The following PCDHA7 variants were observed in gnomAD, a reference collection of about 807,000 sequenced individuals.
PCDHA7 encodes the protein protocadherin alpha-7.
In PCDHA7, 37 loss-of-function variants were observed where a neutral mutation model predicts 57.2. The ratio of observed to expected loss-of-function variants is 0.65; its 90% CI spans 0.50 to 0.85. The LOEUF (loss-of-function observed/expected upper bound fraction) is 0.85, where lower values mean the gene tolerates loss of function less well. PCDHA7 is among the 40% of genes least tolerant of loss of function. PCDHA7 has a pLI of 0.00. For synonymous variants in PCDHA7, 553 were observed against 558.8 expected (o/e 0.99, Z 0.15); for missense variants, 1,188 against 1,241.8 (o/e 0.96, Z 0.65).
At chr5:140,853,708 A>G (rs535294888) in intron 1 of PCDHA7, 3 of 986,248 alleles carry the variant, frequency 3.0e-6, no homozygotes, top group South Asian at 9.5e-5. Flanking sequence ...ACGCATTAGC[A>G]TTAGCAGCAC....
chr5:140,942,669 A>G (rs2093352340), intron 1 of PCDHA7, among the ~76,000 whole-genome samples: 1 of 152,212 alleles, frequency 6.6e-6, no homozygotes, highest in South Asian at 2.1e-4. Flanking sequence ...AATAAGCACA[A>G]AAGTTTTAGG....
chr5:140,836,968 T>A, intron 1 of PCDHA7: 1 of 385,792 alleles, frequency 2.6e-6, no homozygotes, highest in South Asian at 6.2e-5. Flanking sequence ...TTGGCTACTC[T>A]CCATTTTTGG....
intron 1 of PCDHA7, among the ~76,000 whole-genome samples, chr5:140,942,118 A>C (rs554488765): frequency 1.3e-5 from 2 of 152,360 alleles, no homozygotes; most frequent in East Asian, 3.9e-4. Flanking sequence ...AAACTTTATT[A>C]AAGGTGATAT....
intron 1 of PCDHA7, chr5:140,927,278 T>C: frequency 6.2e-7 from 1 of 1,614,094 alleles, no homozygotes; most frequent in Non-Finnish European, 8.5e-7. Flanking sequence ...GCCGGCGACG[T>C]GCAGCTGCAC....
intron 1 of PCDHA7, among the ~76,000 whole-genome samples, chr5:140,886,068 GC>G (rs1462692271): frequency 5.3e-5 from 8 of 152,098 alleles, no homozygotes; most frequent in African/African-American, 9.7e-5. Context: ...AAAGCGTAGG[GC>G]CATACCACAA....
At chr5:140,915,368 T>G (rs1281630689) in intron 1 of PCDHA7, among the ~76,000 whole-genome samples, 1 of 152,216 alleles carries the variant, frequency 6.6e-6, no homozygotes, top group Non-Finnish European at 1.5e-5. Flanking sequence ...TACCAGTAAG[T>G]GTCTCGGCAT....
chr5:140,850,357 C>G (rs146638035), intron 1 of PCDHA7: 1 of 1,597,856 alleles, frequency 6.3e-7, no homozygotes, highest in African/African-American at 1.3e-5. Flanking sequence ...GCGAGCATCC[C>G]GTTCCGCGTG....
rs2150408598 is a variant in PCDHA7, at chr5:140,848,320, T to A, written c.2355+11582T>A. The A allele has an allele frequency of 6.9e-5, 53 of 763,546 alleles. 1 individual carries two copies. The highest frequency in any genetic ancestry group is 1.0e-4 in the Non-Finnish European group (48 of 466,870). 47.3% of individuals were successfully genotyped at this position (763,546 alleles called of 1,614,324 possible). A position where few individuals can be genotyped will look rare whatever the true frequency, so the allele number is the denominator to read the frequency against. ...CGTGATGTCACTCTTTGCCGCGATG[T>A]TCTCTCTGAATCCAGACAAATACAG... is the stretch of plus-strand genomic sequence containing the variant. On this transcript the variant is annotated intron_variant, in intron 1 of 3. Transcript: ENST00000525929.
chr5:140,994,105 A>G (rs1264024543), intron 3 of PCDHA7, among the ~76,000 whole-genome samples: 2 of 152,226 alleles, frequency 1.3e-5, no homozygotes, highest in African/African-American at 2.4e-5. Context: ...TGGAAATATT[A>G]CATTGTCATG....
intron 1 of PCDHA7, among the ~76,000 whole-genome samples, chr5:140,837,515 A>AT (rs1775086466): frequency 2.1e-5 from 2 of 96,498 alleles, no homozygotes; most frequent in Admixed American, 9.8e-5. Flanking sequence ...GAAGCAGTTT[A>AT]CTTTTTTTGT....
At chr5:140,946,573 A>C (rs1272286008) in intron 1 of PCDHA7, among the ~76,000 whole-genome samples, 1 of 147,140 alleles carries the variant, frequency 6.8e-6, no homozygotes, top group African/African-American at 2.6e-5. Flanking sequence ...GAATCAACTT[A>C]GGTGTTCATA....
intron 3 of PCDHA7, among the ~76,000 whole-genome samples, chr5:140,995,650 A>T (rs1166713964): frequency 6.6e-6 from 1 of 152,182 alleles, no homozygotes; most frequent in Non-Finnish European, 1.5e-5. Context: ...GAAAAGGAGA[A>T]TCGAAAAGGG....
Position 140,954,691 on chromosome 5 carries a change from A to G in PCDHA7, c.2356-24258A>G, listed in dbSNP as rs561318179. Among the ~76,000 whole-genome samples the G allele has an allele frequency of 9.2e-5, 14 of 152,162 alleles. No homozygotes were observed. The East Asian group carries it at 2.5e-3, about 27-fold the overall frequency. ...TATTAGACTTTTGTCAGATGGATAG[A>G]CTACAAAATTTTTCTCCCATTCTGT... On this transcript the variant is annotated intron_variant, in intron 1 of 3. Coordinates refer to ENST00000525929, the MANE Select transcript of PCDHA7 (RefSeq NM_018910.3).
At chr5:140,880,554 A>T (rs546471112) in intron 1 of PCDHA7, among the ~76,000 whole-genome samples, 1 of 152,360 alleles carries the variant, frequency 6.6e-6, no homozygotes, top group South Asian at 2.1e-4. Flanking sequence ...ACTGATGGAA[A>T]TGAGGTTGAG....
chr5:140,967,817 G>A, intron 1 of PCDHA7: 1 of 1,614,182 alleles, frequency 6.2e-7, no homozygotes. Context: ...TCACTGCAAG[G>A]TGCTGGTGGA....
chr5:140,877,674 G>T (rs2057278019), intron 1 of PCDHA7: 2 of 1,613,630 alleles, frequency 1.2e-6, no homozygotes, highest in East Asian at 4.5e-5. Flanking sequence ...GGTGCGCGCC[G>T]GGCAAGCCCA....
At chr5:141,006,105 GT>G (rs79904017) in intron 3 of PCDHA7, among the ~76,000 whole-genome samples, 172 of 143,342 alleles carry the variant, frequency 1.2e-3, no homozygotes, top group East Asian at 2.0e-3. Context: ...ATGGTAAGGA[GT>G]TTTTTTTTTT....
intron 1 of PCDHA7, chr5:140,929,124 C>T: frequency 6.2e-7 from 1 of 1,614,166 alleles, no homozygotes; most frequent in Non-Finnish European, 8.5e-7. Flanking sequence ...CCATAGATGT[C>T]ACTACAGTTG....
intron 3 of PCDHA7, among the ~76,000 whole-genome samples, chr5:141,005,089 A>C (rs1554259886): frequency 6.6e-6 from 1 of 152,244 alleles, no homozygotes; most frequent in Non-Finnish European, 1.5e-5. Context: ...TTAGTACTTT[A>C]CATGCATTAC....
Sources: gnomAD v4.1 joint callset for allele counts (sites outside exome capture counted in the v4.1 genomes callset) on GRCh38, gnomAD v4.1.1 for gene constraint, MANE v1.5 for transcripts, NCBI Gene and HGNC (gene_info 2026-07-23, HGNC 2026-07-21) for gene names.